The following ATL2 variants were observed in gnomAD, a reference collection of about 807,000 sequenced individuals.
ATL2 encodes atlastin-2.
In ATL2, 31 loss-of-function variants were observed where a neutral mutation model predicts 73.9. The ratio of observed to expected loss-of-function variants is 0.42; its 90% CI spans 0.32 to 0.57. ATL2 has a LOEUF of 0.57. ATL2 is among the 20% of genes least tolerant of loss of function. The pLI is 0.14. For synonymous variants in ATL2, 291 were observed against 237.5 expected (o/e 1.23, Z -2.07); for missense variants, 738 against 702.6 (o/e 1.05, Z -0.57).
intron 2 of ATL2, among the ~76,000 whole-genome samples, chr2:38,332,460 C>A (rs1379923191): frequency 6.6e-6 from 1 of 152,184 alleles, no homozygotes; most frequent in Non-Finnish European, 1.5e-5. Flanking sequence ...CCCACCTCGG[C>A]CTCCCAGAGT....
intron 5 of ATL2, among the ~76,000 whole-genome samples, 193 bp from the exon 6 acceptor site, chr2:38,314,857 T>C (rs1460939019): frequency 4.6e-5 from 7 of 152,344 alleles, no homozygotes; most frequent in South Asian, 4.1e-4. Context: ...TTTAAACCCA[T>C]ATAACATTCA....
At chr2:38,343,972 T>C (rs993362841) in intron 1 of ATL2, among the ~76,000 whole-genome samples, 2 of 152,182 alleles carry the variant, frequency 1.3e-5, no homozygotes, top group East Asian at 3.9e-4. Flanking sequence ...ACGTGAAACT[T>C]TGATTCCATT....
intron 2 of ATL2, among the ~76,000 whole-genome samples, chr2:38,334,018 A>G (rs1380052335): frequency 1.4e-5 from 2 of 147,292 alleles, no homozygotes; most frequent in African/African-American, 2.6e-5. Context: ...TAACCTCTGT[A>G]TCCAATCCTC....
chr2:38,368,247 C>CTT (rs569726038), intron 1 of ATL2, among the ~76,000 whole-genome samples: 130 of 138,036 alleles, frequency 9.4e-4, no homozygotes, highest in African/African-American at 2.1e-3. Flanking sequence ...AAAATAAGGA[C>CTT]TTTTTTTTTT....
At chr2:38,304,088 G>T (rs1464902088) in intron 9 of ATL2, among the ~76,000 whole-genome samples, 1 of 151,992 alleles carries the variant, frequency 6.6e-6, no homozygotes, top group Non-Finnish European at 1.5e-5. Flanking sequence ...ACACAGCAAG[G>T]CCCCATTTCT....
At chr2:38,363,756 C>G (rs985141076) in intron 1 of ATL2, among the ~76,000 whole-genome samples, 2 of 152,172 alleles carry the variant, frequency 1.3e-5, no homozygotes, top group African/African-American at 4.8e-5. Flanking sequence ...GAGCAAGGCA[C>G]TATACTAGAC....
At chr2:38,368,009 A>G (rs1382875167) in intron 1 of ATL2, among the ~76,000 whole-genome samples, 1 of 146,658 alleles carries the variant, frequency 6.8e-6, no homozygotes, top group Non-Finnish European at 1.5e-5. Context: ...ATCTCGGCTC[A>G]CTGCAAGCTC....
chr2:38,328,280 G>T (rs1449769651), intron 2 of ATL2, among the ~76,000 whole-genome samples: 1 of 152,158 alleles, frequency 6.6e-6, no homozygotes, highest in African/African-American at 2.4e-5. Context: ...CACCCAGCAA[G>T]TAGAAATCCA....
At chr2:38,307,048 T>G (rs2148414683) in intron 9 of ATL2, among the ~76,000 whole-genome samples, 1 of 152,178 alleles carries the variant, frequency 6.6e-6, no homozygotes, top group African/African-American at 2.4e-5. Context: ...AGACCCAAAC[T>G]ATGAAACTAC....
At chr2:38,311,782 G>A (rs1667770390) in intron 7 of ATL2, among the ~76,000 whole-genome samples, 1 of 152,136 alleles carries the variant, frequency 6.6e-6, no homozygotes, top group South Asian at 2.1e-4. Flanking sequence ...TATGATTTGA[G>A]CAATTTTCTG....
In ATL2 at chr2:38,321,353, C is replaced by G. The variant is rs753496688; in HGVS notation, c.364-2334G>C. On this transcript the variant is annotated intron_variant, in intron 2 of 12. Coordinates refer to ENST00000378954, the MANE Select transcript of ATL2 (RefSeq NM_001135673.4). ...TTTCTTTTTCTTCAGTTTTCAATACCTACAACTTAAAGACCTCATCTATGC... is the reference window on the plus strand; with the variant it reads ...TTTCTTTTTCTTCAGTTTTCAATACGTACAACTTAAAGACCTCATCTATGC... Among the ~76,000 whole-genome samples the G allele has an allele frequency of 1.3e-5, 2 of 152,010 alleles. 1 individual carries two copies. The highest frequency in any genetic ancestry group is 4.1e-4 in the South Asian group (2 of 4,824).
chr2:38,315,273 G>A lies in ATL2; in HGVS notation c.654+11C>T. Reference sequence around the variant, plus strand: ...TCTCAAAAAATAAAAATTAAAAAAAGAAATACGTACTTGCAAATGTTGAAG... The same window carrying A: ...TCTCAAAAAATAAAAATTAAAAAAAAAAATACGTACTTGCAAATGTTGAAG... On this transcript the variant is annotated intron_variant, in intron 5 of 12. Coordinates refer to ENST00000378954, the MANE Select transcript of ATL2 (RefSeq NM_001135673.4). 1 of 1,480,376 alleles carries A rather than the reference G, an allele frequency of 6.8e-7. No individual in the cohort carries two copies. The highest frequency in any genetic ancestry group is 8.9e-7 in the Non-Finnish European group (1 of 1,122,804). 91.7% of individuals were successfully genotyped at this position (1,480,376 alleles called of 1,614,324 possible).
rs953610189 is a variant in ATL2 at position 38,357,676 on chromosome 2, C to T, written c.119-14164G>A. On this transcript the variant is annotated intron_variant, in intron 1 of 12. Transcript: ENST00000378954. ...CAAAAAAAAAAAAAAAAAAAAACCT[C>T]TAGAGATACTTTTTTATATTGGGGA... Among the ~76,000 whole-genome samples, 9 of 146,880 alleles carry T rather than the reference C, an allele frequency of 6.1e-5. No homozygotes were observed. The Middle Eastern group carries it at 0.021, about 350-fold the overall frequency.
chr2:38,365,134 T>TACACACACACACACACACAC (rs541325892), intron 1 of ATL2, among the ~76,000 whole-genome samples: 45 of 132,730 alleles, frequency 3.4e-4, no homozygotes, highest in East Asian at 1.1e-3. Flanking sequence ...AAGGGAATCA[T>TACACACACACACACACACAC]ACACACACAC....
At chr2:38,361,070 G>A (rs1011872379) in intron 1 of ATL2, among the ~76,000 whole-genome samples, 1 of 152,024 alleles carries the variant, frequency 6.6e-6, no homozygotes, top group Non-Finnish European at 1.5e-5. Flanking sequence ...ATTAAATCAA[G>A]CAGCCAGGCG....
At chr2:38,337,356 C>T (rs1277771233) in intron 2 of ATL2, among the ~76,000 whole-genome samples, 1 of 150,484 alleles carries the variant, frequency 6.6e-6, no homozygotes, top group Non-Finnish European at 1.5e-5. Context: ...TGTCGTGGTG[C>T]GCACCTGTAA....
intron 1 of ATL2, among the ~76,000 whole-genome samples, chr2:38,361,507 T>G (rs889696941): frequency 8.5e-5 from 13 of 152,154 alleles, no homozygotes; most frequent in Admixed American, 1.3e-4. Context: ...CATACACCAC[T>G]TTCAGGACAG....
chr2:38,359,872 A>G (rs1241430175), intron 1 of ATL2, among the ~76,000 whole-genome samples: 1 of 152,126 alleles, frequency 6.6e-6, no homozygotes, highest in African/African-American at 2.4e-5. Flanking sequence ...TCACGCCTGT[A>G]ATCCTAGCCC....
intron 1 of ATL2, among the ~76,000 whole-genome samples, chr2:38,353,297 G>A (rs973974061): frequency 1.3e-5 from 2 of 152,016 alleles, no homozygotes; most frequent in African/African-American, 4.8e-5. Flanking sequence ...GAACTGACAA[G>A]TACAGTAATT....
Sources: gnomAD v4.1 joint callset for allele counts (sites outside exome capture counted in the v4.1 genomes callset) on GRCh38, gnomAD v4.1.1 for gene constraint, MANE v1.5 for transcripts, NCBI Gene and HGNC (gene_info 2026-07-23, HGNC 2026-07-21) for gene names.